Variants in PCLO observed in about 807,000 individuals in gnomAD.
PCLO encodes the protein piccolo presynaptic cytomatrix protein.
PCLO carries 82 observed loss-of-function variants against 427.5 expected under a neutral mutation model. The observed-to-expected ratio is 0.19, with a 90% CI of 0.16 to 0.23. The LOEUF is 0.23. PCLO is among the 10% of genes least tolerant of loss of function. The pLI, the probability that PCLO is intolerant of heterozygous loss-of-function variation, is 1.00. For missense variants in PCLO, 6,239 were observed against 6,115.9 expected (o/e 1.02, Z -0.67); for synonymous variants, 2,357 against 2,155.4 (o/e 1.09, Z -2.59).
intron 10 of PCLO, among the ~76,000 whole-genome samples, chr7:82,858,450 C>A (rs1228121135): frequency 6.6e-6 from 1 of 151,966 alleles, no homozygotes; most frequent in East Asian, 1.9e-4. Flanking sequence ...GAAGTCCTAC[C>A]CAGAGCATTG....
intron 3 of PCLO, among the ~76,000 whole-genome samples, chr7:83,056,401 C>T (rs962773174): frequency 4.6e-5 from 7 of 151,970 alleles, no homozygotes; most frequent in Non-Finnish European, 7.4e-5. Flanking sequence ...GTATTCAAAC[C>T]GTTTAGAAAA....
chr7:83,066,722 G>A (rs865974144), intron 3 of PCLO, among the ~76,000 whole-genome samples: 4 of 152,210 alleles, frequency 2.6e-5, no homozygotes, highest in African/African-American at 7.2e-5. Flanking sequence ...TTTGCAACAT[G>A]TTCTGTCAAG....
Position 82,997,286 on chromosome 7 carries a change from C to T in PCLO, c.3301-30799G>A, listed in dbSNP as rs573023031. Among the ~76,000 whole-genome samples the T allele has an allele frequency of 6.6e-5, 10 of 152,032 alleles. No individual in the cohort carries two copies. The East Asian group carries it at 7.7e-4, about 12-fold the overall frequency. ...TTATAGGCTATCTCAGAAAAGCACA[C>T]GATCAAATAATGTTGGAGCCATTCC... is the stretch of plus-strand genomic sequence containing the variant. On this transcript the variant is annotated intron_variant, in intron 3 of 24. Transcript: ENST00000333891.
chr7:82,758,831 C>T (rs753947842), intron 24 of PCLO, 116 bp from the exon 25 acceptor site: 35 of 601,528 alleles, frequency 5.8e-5, no homozygotes, highest in South Asian at 3.6e-4. Flanking sequence ...AAGAGGGTGA[C>T]GCTGAGTAGA....
At chr7:82,922,179 G>A (rs1282397483) in intron 6 of PCLO, among the ~76,000 whole-genome samples, 3 of 151,872 alleles carry the variant, frequency 2.0e-5, no homozygotes, top group Admixed American at 1.3e-4. Context: ...GCAGTTTGGA[G>A]GTTTCTCAAA....
In PCLO at chr7:83,001,774, T is replaced by C. The variant is rs1192796888; in HGVS notation, c.3301-35287A>G. 3.9e-5 allele frequency among the ~76,000 whole-genome samples: 6 copies of C among 152,154 alleles called. No homozygotes were observed. In the East Asian group the frequency reaches 1.2e-3, roughly 30 times the overall value. ...CCATCTTTTCACTGCACTTTCATTC[T>C]GGCATCTCATGGCAGTTTCAGGGAA... is the stretch of plus-strand genomic sequence containing the variant. On this transcript the variant is annotated intron_variant, in intron 3 of 24. Transcript: ENST00000333891.
intron 3 of PCLO, among the ~76,000 whole-genome samples, chr7:83,000,141 GA>G (rs1296182225): frequency 6.6e-6 from 1 of 150,942 alleles, no homozygotes; most frequent in East Asian, 1.9e-4. Flanking sequence ...AAAATATCCT[GA>G]AAAAAGCCAG....
chr7:83,148,774 C>A (rs898561093), intron 2 of PCLO, among the ~76,000 whole-genome samples: 1 of 152,110 alleles, frequency 6.6e-6, no homozygotes, highest in Non-Finnish European at 1.5e-5. Context: ...ATATGTCATT[C>A]ATGCCATGTT....
intron 22 of PCLO, among the ~76,000 whole-genome samples, chr7:82,779,298 A>C (rs1208168701): frequency 6.6e-6 from 1 of 152,004 alleles, no homozygotes; most frequent in Non-Finnish European, 1.5e-5. Flanking sequence ...TTTTCACATA[A>C]TTTTTTACCA....
chr7:83,114,352 A>G (rs1791079758), intron 3 of PCLO, among the ~76,000 whole-genome samples: 1 of 151,880 alleles, frequency 6.6e-6, no homozygotes. Context: ...GATATTTGGG[A>G]TAAATCTCAA....
chr7:83,129,532 T>G (rs1357514971), intron 3 of PCLO, among the ~76,000 whole-genome samples: 1 of 152,164 alleles, frequency 6.6e-6, no homozygotes, highest in Admixed American at 6.5e-5. Context: ...GGTGGCAGTG[T>G]TGACTGCTAT....
intron 3 of PCLO, among the ~76,000 whole-genome samples, chr7:83,030,600 A>G (rs1788643415): frequency 6.6e-6 from 1 of 152,232 alleles, no homozygotes; most frequent in East Asian, 1.9e-4. Flanking sequence ...AAAATGAGGA[A>G]CACACCCCAG....
At chr7:82,979,190 G>A (rs1320583613) in intron 3 of PCLO, among the ~76,000 whole-genome samples, 1 of 151,972 alleles carries the variant, frequency 6.6e-6, no homozygotes, top group Non-Finnish European at 1.5e-5. Context: ...ATATATTGAG[G>A]TTGAACTTGG....
chr7:82,835,199 C>T (rs1792201875), intron 16 of PCLO, among the ~76,000 whole-genome samples: 1 of 152,070 alleles, frequency 6.6e-6, no homozygotes, highest in African/African-American at 2.4e-5. Context: ...CCACCTCGGC[C>T]TCCCAAAGTC....
intron 10 of PCLO, among the ~76,000 whole-genome samples, chr7:82,856,264 A>G (rs898080250): frequency 6.6e-6 from 1 of 152,208 alleles, no homozygotes; most frequent in African/African-American, 2.4e-5. Context: ...AAAAAGTAAT[A>G]TTTCTTATAC....
intron 9 of PCLO, among the ~76,000 whole-genome samples, chr7:82,898,633 A>G (rs903918966): frequency 6.6e-6 from 1 of 151,396 alleles, no homozygotes; most frequent in Non-Finnish European, 1.5e-5. Context: ...TTCCTTGCTT[A>G]AATCTTTGTC....
intron 3 of PCLO, among the ~76,000 whole-genome samples, chr7:82,996,858 G>A (rs1188171828): frequency 1.3e-5 from 2 of 151,932 alleles, no homozygotes; most frequent in Admixed American, 6.6e-5. Flanking sequence ...TAAGCATCTA[G>A]CTGAAAACAT....
At chr7:82,856,133 A>G (rs1792799512) in intron 10 of PCLO, among the ~76,000 whole-genome samples, 1 of 152,112 alleles carries the variant, frequency 6.6e-6, no homozygotes, top group Admixed American at 6.6e-5. Context: ...TAGAATGTGT[A>G]ATACCCTCAC....
At chr7:82,790,336 C>G (rs1791076215) in intron 22 of PCLO, among the ~76,000 whole-genome samples, 1 of 152,150 alleles carries the variant, frequency 6.6e-6, no homozygotes, top group Non-Finnish European at 1.5e-5. Context: ...TGACTGCTCT[C>G]AAATCCTATC....
Sources: gnomAD v4.1 joint callset for allele counts (sites outside exome capture counted in the v4.1 genomes callset) on GRCh38, gnomAD v4.1.1 for gene constraint, MANE v1.5 for transcripts, NCBI Gene and HGNC (gene_info 2026-07-23, HGNC 2026-07-21) for gene names.